The following SGCD variants were observed in gnomAD, a reference collection of about 807,000 sequenced individuals.
The protein encoded by SGCD is sarcoglycan delta, also known as delta-sarcoglycan.
A neutral mutation model predicts 36.6 loss-of-function variants in SGCD; 18 were observed. The ratio of observed to expected loss-of-function variants is 0.49; its 90% confidence interval spans 0.34 to 0.73. The LOEUF (loss-of-function observed/expected upper bound fraction) is 0.73. Among genes scored for constraint, SGCD ranks in the 30% least tolerant of loss-of-function variants. SGCD has a pLI of 0.01. For synonymous variants in SGCD, 133 were observed against 130.6 expected (o/e 1.02, Z -0.12); for missense variants, 387 against 346.7 (o/e 1.12, Z -0.92).
chr5:156,526,806 C>T (rs577050685), intron 4 of SGCD, among the ~76,000 whole-genome samples: 6 of 152,154 alleles, frequency 3.9e-5, no homozygotes, highest in East Asian at 1.9e-4. Context: ...TCAGTTTATT[C>T]GGGAAAACAG....
At chr5:155,907,151 G>C (rs1756534716) in intron 1 of SGCD, among the ~76,000 whole-genome samples, 1 of 151,712 alleles carries the variant, frequency 6.6e-6, no homozygotes, top group Non-Finnish European at 1.5e-5. Context: ...CTAGCTTACA[G>C]TTTATCTGTT....
chr5:156,627,753 A>G (rs1279953024), intron 6 of SGCD, among the ~76,000 whole-genome samples: 2 of 152,226 alleles, frequency 1.3e-5, no homozygotes, highest in East Asian at 1.9e-4. Context: ...AACAACAACT[A>G]TGCTACAATG....
intron 1 of SGCD, among the ~76,000 whole-genome samples, chr5:155,899,530 C>T (rs995013518): frequency 5.3e-5 from 8 of 152,120 alleles, no homozygotes; most frequent in Admixed American, 3.9e-4. Context: ...ACACTTCCAC[C>T]TTAAAAGAAT....
intron 3 of SGCD, among the ~76,000 whole-genome samples, chr5:156,211,336 G>T (rs542951343): frequency 1.3e-5 from 2 of 152,140 alleles, no homozygotes; most frequent in Non-Finnish European, 2.9e-5. Context: ...GGCCAGGCGC[G>T]GTGGCTCAAG....
At chr5:155,969,569 T>A (rs1757968250) in intron 1 of SGCD, among the ~76,000 whole-genome samples, 1 of 152,098 alleles carries the variant, frequency 6.6e-6, no homozygotes, top group Non-Finnish European at 1.5e-5. Flanking sequence ...GCAGAAGACA[T>A]GTGGTGTGAG....
the SGCD span, among the ~76,000 whole-genome samples, chr5:155,865,120 A>ATAGG: frequency 6.6e-6 from 1 of 152,098 alleles, no homozygotes; most frequent in Non-Finnish European, 1.5e-5. Flanking sequence ...AGATAGATAG[A>ATAGG]TAGATAGATA....
intron 3 of SGCD, among the ~76,000 whole-genome samples, chr5:156,376,685 T>G (rs1411041021): frequency 6.6e-6 from 1 of 152,204 alleles, no homozygotes; most frequent in East Asian, 1.9e-4. Context: ...CAAGTATCTT[T>G]GTGTTTTTCA....
At position 156,437,583 on chromosome 5, in the gene SGCD, T is replaced by C. The variant is rs77335195; in HGVS notation, c.193-71018T>C. Among the ~76,000 whole-genome samples, 1,316 of 152,300 alleles carry C rather than the reference T, an allele frequency of 8.6e-3. 29 individuals carry two copies. Among genetic ancestry groups the C allele is most frequent in the African/African-American group, 0.03 (1,252 of 41,562 alleles). Reference sequence around the variant, plus strand: ...TACAAGGGCTGTTTCAGTGCTGTGATTGAACAATGCAAACAGTATTGCATT... The same window carrying C: ...TACAAGGGCTGTTTCAGTGCTGTGACTGAACAATGCAAACAGTATTGCATT... On this transcript the variant is annotated intron_variant, in intron 3 of 8. Coordinates refer to ENST00000337851, the MANE Select transcript of SGCD (RefSeq NM_000337.6).
the SGCD span, among the ~76,000 whole-genome samples, chr5:155,843,908 A>C: frequency 3.3e-5 from 5 of 152,064 alleles, no homozygotes; most frequent in African/African-American, 1.2e-4. Flanking sequence ...TTTTCTAATA[A>C]ATCTTTCACT....
the SGCD span, among the ~76,000 whole-genome samples, chr5:155,779,170 T>G: frequency 6.6e-6 from 1 of 152,176 alleles, no homozygotes; most frequent in African/African-American, 2.4e-5. Flanking sequence ...TTTTTAAAAA[T>G]ATTTATCCAC....
At chr5:156,205,902 CT>C (rs1430089192) in intron 3 of SGCD, among the ~76,000 whole-genome samples, 1 of 151,244 alleles carries the variant, frequency 6.6e-6, no homozygotes, top group Admixed American at 6.6e-5. Flanking sequence ...CCCTAGACCT[CT>C]GTTTGGTCAT....
At chr5:155,756,249 T>C in the SGCD span, among the ~76,000 whole-genome samples, 9,810 of 152,272 alleles carry the variant, frequency 0.064, 400 homozygotes, top group Middle Eastern at 0.15. Flanking sequence ...TAAGGAACTA[T>C]TCAGAGAAAT....
chr5:156,011,271 C>G (rs1758854893), intron 1 of SGCD, among the ~76,000 whole-genome samples: 1 of 152,022 alleles, frequency 6.6e-6, no homozygotes. Flanking sequence ...AGGTGTCTTT[C>G]AGAACTTAGA....
At chr5:156,593,822 T>C (rs529725510) in intron 5 of SGCD, among the ~76,000 whole-genome samples, 1 of 152,192 alleles carries the variant, frequency 6.6e-6, no homozygotes, top group Non-Finnish European at 1.5e-5. Flanking sequence ...TTGCTATTTA[T>C]TATTAAGTGA....
the SGCD span, among the ~76,000 whole-genome samples, chr5:155,756,644 A>G: frequency 6.6e-6 from 1 of 152,194 alleles, no homozygotes; most frequent in African/African-American, 2.4e-5. Flanking sequence ...TGTTGTTTTT[A>G]TCATTGTTGC....
intron 3 of SGCD, among the ~76,000 whole-genome samples, chr5:156,239,399 CAAAA>C (rs34839655): frequency 8.3e-5 from 6 of 72,660 alleles, no homozygotes; most frequent in African/African-American, 3.3e-4. Context: ...GATTTCATCT[CAAAA>C]AAAAAAAAAA....
At chr5:156,756,983 G>T (rs1757358786) in intron 7 of SGCD, among the ~76,000 whole-genome samples, 1 of 152,036 alleles carries the variant, frequency 6.6e-6, no homozygotes, top group Non-Finnish European at 1.5e-5. Flanking sequence ...ATACATATTT[G>T]CATTTCTATT....
chr5:155,761,665 T>G, the SGCD span, among the ~76,000 whole-genome samples: 1 of 143,868 alleles, frequency 7.0e-6, no homozygotes, highest in African/African-American at 2.8e-5. Flanking sequence ...ATCATCACTC[T>G]CTCCATCATC....
chr5:156,410,415 G>A (rs1195841628), intron 3 of SGCD, among the ~76,000 whole-genome samples: 2 of 152,110 alleles, frequency 1.3e-5, no homozygotes, highest in Admixed American at 6.5e-5. Flanking sequence ...CACCTATTTG[G>A]TACTATGCTC....
Sources: allele counts gnomAD v4.1 joint callset (sites outside exome capture counted in the v4.1 genomes callset), GRCh38; gene constraint gnomAD v4.1.1; transcripts MANE v1.5; gene names NCBI Gene and HGNC (gene_info 2026-07-23, HGNC 2026-07-21).